The following RBPMS variants were observed in gnomAD, a reference collection of about 807,000 sequenced individuals.
RBPMS encodes the protein RNA binding protein, mRNA processing factor, also known as RNA-binding protein with multiple splicing.
Under a neutral mutation model 26.8 loss-of-function variants are expected in RBPMS, and 7 were observed. That is an observed-to-expected ratio of 0.26 (90% CI 0.15 to 0.49). The LOEUF is 0.49. Among genes scored for constraint, RBPMS ranks in the 20% least tolerant of loss-of-function variants. The probability of loss-of-function intolerance (pLI) is 0.98; values close to 1 mark genes in which losing one functional copy is unlikely to be tolerated. For missense variants in RBPMS, 186 were observed against 250.0 expected (o/e 0.74, Z 1.73); for synonymous variants, 96 against 93.3 (o/e 1.03, Z -0.17).
Position 30,511,480 on chromosome 8 carries a change from AAAAAAAATATAT to A in RBPMS, c.397+7046_397+7057del, listed in dbSNP as rs1199375393. ...CTTTAAAACAAAAAAAGAAAAAAAA[AAAAAAAATATAT>A]ATATATATATATATATATATATATA... On this transcript the variant is annotated intron_variant, in intron 5 of 8. Coordinates refer to ENST00000397323, the MANE Select transcript of RBPMS (RefSeq NM_001008710.3). Among the ~76,000 whole-genome samples the A allele has an allele frequency of 1.1e-3, 19 of 16,524 alleles. 1 individual carries two copies. Among genetic ancestry groups the A allele is most frequent in the African/African-American group, 4.6e-3 (17 of 3,666 alleles). 10.8% of individuals were successfully genotyped at this position (16,524 alleles called of 152,430 possible). A position where few individuals can be genotyped will look rare whatever the true frequency, so the allele number is the denominator to read the frequency against.
chr8:30,477,675 C>A, intron 2 of RBPMS, 124 bp from the exon 3 acceptor site: 1 of 664,652 alleles, frequency 1.5e-6, no homozygotes, highest in Non-Finnish European at 2.6e-6. Flanking sequence ...AATTTGCTTT[C>A]CCAGATAACT....
chr8:30,570,914 G>A lies in RBPMS; in HGVS notation c.*389G>A, dbSNP rs555717179. ...ACATTTTAAGTATGCTGGGATGGAC[G>A]ATCTTACACTGGTTTGGATCACAGT... On this transcript the variant is annotated 3_prime_UTR_variant, in exon 9 of 9. Coordinates refer to ENST00000397323, the MANE Select transcript of RBPMS (RefSeq NM_001008710.3). 1.9e-4 allele frequency: 29 copies of A among 152,246 alleles called. No individual in the cohort carries two copies. The highest frequency in any genetic ancestry group is 6.5e-4 in the African/African-American group (27 of 41,556). The allele number at this position is 152,246 out of a possible 1,614,324, so 9.4% of individuals were successfully genotyped here.
chr8:30,538,741 T>G (rs532893293), intron 5 of RBPMS, among the ~76,000 whole-genome samples: 1 of 152,246 alleles, frequency 6.6e-6, no homozygotes, highest in South Asian at 2.1e-4. Context: ...CAGTGTTGGA[T>G]CCTCTGGAGG....
intron 8 of RBPMS, 53 bp downstream of exon 8, chr8:30,566,413 T>A: frequency 2.0e-6 from 1 of 512,362 alleles, no homozygotes; most frequent in South Asian, 8.5e-5. Flanking sequence ...GGCGAACACG[T>A]GGGAACTGTG....
chr8:30,540,321 G>A (rs577225006), intron 5 of RBPMS, among the ~76,000 whole-genome samples: 1 of 152,300 alleles, frequency 6.6e-6, no homozygotes, highest in Admixed American at 6.5e-5. Flanking sequence ...GGCTGGAGAG[G>A]AGGATGAGGG....
rs547937173 is a variant in RBPMS, at chr8:30,545,016, CTG to C, written c.528+395_528+396del. The C allele has an allele frequency of 3.5e-3, 4,953 of 1,434,984 alleles. 11 individuals carry two copies. Among genetic ancestry groups the C allele is most frequent in the Middle Eastern group, 0.017 (91 of 5,466 alleles). 88.9% of individuals were successfully genotyped at this position (1,434,984 alleles called of 1,614,324 possible). On this transcript the variant is annotated intron_variant, in intron 6 of 8. Coordinates refer to ENST00000397323, the MANE Select transcript of RBPMS (RefSeq NM_001008710.3). ...TGCTAGGAGAAGGGGATATGTGCGT[CTG>C]TGCGTGTTTCTGTGTGTTGAGAGTT...
At chr8:30,448,190 T>C (rs1381973556) in intron 1 of RBPMS, among the ~76,000 whole-genome samples, 1 of 152,252 alleles carries the variant, frequency 6.6e-6, no homozygotes, top group Non-Finnish European at 1.5e-5. Context: ...CTAATTCTTT[T>C]AGAATATTAG....
chr8:30,435,064 G>A (rs1812315704), intron 1 of RBPMS, among the ~76,000 whole-genome samples: 1 of 152,072 alleles, frequency 6.6e-6, no homozygotes, highest in Non-Finnish European at 1.5e-5. Context: ...TACAGGTTAA[G>A]CATCCCTTAT....
intron 1 of RBPMS, among the ~76,000 whole-genome samples, chr8:30,388,457 CTAACTTA>C (rs1585317163): frequency 2.2e-5 from 3 of 133,378 alleles, no homozygotes; most frequent in Admixed American, 7.4e-5. Context: ...TAGCTATAAG[CTAACTTA>C]TAACTTATAG....
intron 1 of RBPMS, among the ~76,000 whole-genome samples, chr8:30,449,473 A>G (rs2015311): frequency 0.8 from 120,927 of 151,002 alleles, 48,800 homozygotes; most frequent in African/African-American, 0.91. Flanking sequence ...TGGTTCAAGC[A>G]ATTCCCCCTG....
At chr8:30,502,650 C>T (rs943898269) in intron 4 of RBPMS, among the ~76,000 whole-genome samples, 21 of 152,172 alleles carry the variant, frequency 1.4e-4, no homozygotes, top group Admixed American at 1.4e-3. Context: ...CACCCAGGGA[C>T]TGTGCTTGCC....
chr8:30,411,374 T>G (rs1253494407), intron 1 of RBPMS, among the ~76,000 whole-genome samples: 1 of 152,020 alleles, frequency 6.6e-6, no homozygotes, highest in Non-Finnish European at 1.5e-5. Context: ...ATTGAGAAAT[T>G]TCCCTCTTGG....
chr8:30,519,136 A>G (rs1822718900), intron 5 of RBPMS, among the ~76,000 whole-genome samples: 2 of 152,324 alleles, frequency 1.3e-5, no homozygotes, highest in East Asian at 3.9e-4. Flanking sequence ...CAGTTTTTAA[A>G]GCCACAATAC....
intron 1 of RBPMS, among the ~76,000 whole-genome samples, chr8:30,418,039 C>T (rs1051348716): frequency 6.6e-6 from 1 of 152,024 alleles, no homozygotes; most frequent in African/African-American, 2.4e-5. Context: ...GTTTAAAAAT[C>T]TTTTTTAACC....
At chr8:30,551,067 G>A (rs945840598) in intron 6 of RBPMS, among the ~76,000 whole-genome samples, 3 of 152,166 alleles carry the variant, frequency 2.0e-5, no homozygotes, top group Admixed American at 1.3e-4. Flanking sequence ...GTTACAGCTT[G>A]TACTTGGGGA....
At chr8:30,492,530 A>G (rs561132229) in intron 4 of RBPMS, among the ~76,000 whole-genome samples, 31 of 152,306 alleles carry the variant, frequency 2.0e-4, no homozygotes, top group African/African-American at 7.0e-4. Flanking sequence ...GAAATTAGTA[A>G]GTATTTCAAA....
intron 1 of RBPMS, among the ~76,000 whole-genome samples, chr8:30,408,479 A>G (rs1042169839): frequency 1.3e-5 from 2 of 152,138 alleles, no homozygotes; most frequent in African/African-American, 4.8e-5. Context: ...CAGTGGGCCA[A>G]AATCATACCA....
At chr8:30,469,988 A>G (rs1816907282) in intron 1 of RBPMS, among the ~76,000 whole-genome samples, 1 of 152,198 alleles carries the variant, frequency 6.6e-6, no homozygotes, top group Non-Finnish European at 1.5e-5. Flanking sequence ...TGAATTCAGT[A>G]GGCTTAGCAA....
intron 1 of RBPMS, among the ~76,000 whole-genome samples, chr8:30,423,577 T>C (rs1264922253): frequency 6.6e-6 from 1 of 151,742 alleles, no homozygotes; most frequent in East Asian, 1.9e-4. Flanking sequence ...GTCTCTCTTT[T>C]AGTTATTTAT....
Sources: allele counts gnomAD v4.1 joint callset (sites outside exome capture counted in the v4.1 genomes callset), GRCh38; gene constraint gnomAD v4.1.1; transcripts MANE v1.5; gene names NCBI Gene and HGNC (gene_info 2026-07-23, HGNC 2026-07-21).